The following GABRB1 variants were observed in gnomAD, a reference collection of about 807,000 sequenced individuals.
GABRB1 encodes gamma-aminobutyric acid type A receptor subunit beta1, also known as gamma-aminobutyric acid receptor subunit beta-1.
Under a neutral mutation model 51.6 loss-of-function variants are expected in GABRB1, and 17 were observed. That is an observed-to-expected ratio of 0.33 (90% confidence interval 0.23 to 0.49). The LOEUF is 0.49. GABRB1 is among the 20% of genes least tolerant of loss of function. The pLI is 0.99. For missense variants in GABRB1, 410 were observed against 600.6 expected (o/e 0.68, Z 3.32); for synonymous variants, 247 against 218.9 (o/e 1.13, Z -1.14).
In GABRB1 at chr4:47,425,823, C is replaced by T. The variant is rs1006233638; in HGVS notation, c.1230C>T (p.Ser410=). The part of the protein sequence containing the change: ...ASIQYRKPLS[S]REAYGRALDR... ...TCCAGTACCGCAAGCCCCTGAGCAG[C>T]CGCGAGGCCTACGGGCGCGCCCTGG... is the stretch of plus-strand genomic sequence containing the variant. The change falls in exon 9 of 9, where the codon AGC becomes AGT. Residue 410 remains serine, a synonymous_variant. Transcript: ENST00000295454. 2 of 1,614,012 alleles carry T rather than the reference C, an allele frequency of 1.2e-6. No homozygotes were observed. The highest frequency in any genetic ancestry group is 1.7e-6 in the Non-Finnish European group (2 of 1,180,026).
intron 4 of GABRB1, among the ~76,000 whole-genome samples, chr4:47,289,977 G>A (rs962303014): frequency 6.6e-6 from 1 of 152,170 alleles, no homozygotes; most frequent in Non-Finnish European, 1.5e-5. Context: ...TACAGGATCT[G>A]CAAAAGCAGT....
At chr4:47,384,572 G>T (rs550161565) in intron 5 of GABRB1, among the ~76,000 whole-genome samples, 16 of 152,262 alleles carry the variant, frequency 1.1e-4, no homozygotes, top group African/African-American at 3.6e-4. Flanking sequence ...CCACATTGAG[G>T]ATATAAGGTG....
At chr4:47,197,878 G>A (rs1719749494) in intron 4 of GABRB1, among the ~76,000 whole-genome samples, 1 of 152,126 alleles carries the variant, frequency 6.6e-6, no homozygotes, top group African/African-American at 2.4e-5. Flanking sequence ...GTGACAATGT[G>A]CCTGTCTATA....
chr4:47,017,908 T>C (rs1724797326), intron 1 of GABRB1, among the ~76,000 whole-genome samples: 1 of 152,226 alleles, frequency 6.6e-6, no homozygotes, highest in South Asian at 2.1e-4. Context: ...AATTCAGATT[T>C]TCAGATTTGA....
intron 3 of GABRB1, among the ~76,000 whole-genome samples, chr4:47,108,830 A>T (rs1357143734): frequency 6.6e-6 from 1 of 152,032 alleles, no homozygotes; most frequent in Admixed American, 6.6e-5. Flanking sequence ...GGACACCAAA[A>T]CAGATCATGG....
chr4:47,200,151 G>A (rs1164772898), intron 4 of GABRB1, among the ~76,000 whole-genome samples: 2 of 152,214 alleles, frequency 1.3e-5, no homozygotes, highest in Non-Finnish European at 2.9e-5. Flanking sequence ...AAGACACAAT[G>A]AGAAGCTGGT....
At chr4:47,412,384 T>C (rs926554791) in intron 8 of GABRB1, among the ~76,000 whole-genome samples, 1 of 152,184 alleles carries the variant, frequency 6.6e-6, no homozygotes, top group Non-Finnish European at 1.5e-5. Flanking sequence ...TTTATAAAAC[T>C]CGTACATATT....
At chr4:47,182,400 A>T (rs754427290) in intron 4 of GABRB1, among the ~76,000 whole-genome samples, 1 of 152,010 alleles carries the variant, frequency 6.6e-6, no homozygotes, top group Non-Finnish European at 1.5e-5. Flanking sequence ...TTATTTTTTA[A>T]TTGATGAGCA....
At chr4:47,314,583 A>G (rs559392035) in intron 4 of GABRB1, among the ~76,000 whole-genome samples, 1 of 152,086 alleles carries the variant, frequency 6.6e-6, no homozygotes, top group African/African-American at 2.4e-5. Context: ...CTTTTTCTTT[A>G]ATGGTGCCAC....
chr4:47,387,889 C>T lies in GABRB1; in HGVS notation c.545-15429C>T, dbSNP rs534762976. ...CAGCCAATTTAAAAGTCAGGAAGGG[C>T]CACAATCAGGGTCAGGAGATCTAAT... On this transcript the variant is annotated intron_variant, in intron 5 of 8. Transcript: ENST00000295454. Among the ~76,000 whole-genome samples, 3 of 152,186 alleles carry T rather than the reference C, an allele frequency of 2.0e-5. No individual in the cohort carries two copies. The East Asian group carries it at 5.8e-4, about 29-fold the overall frequency.
intron 4 of GABRB1, among the ~76,000 whole-genome samples, chr4:47,242,823 C>A (rs984667246): frequency 1.3e-5 from 2 of 152,042 alleles, no homozygotes; most frequent in Non-Finnish European, 2.9e-5. Flanking sequence ...AACTTTTCTC[C>A]CATTCTGTAG....
intron 4 of GABRB1, among the ~76,000 whole-genome samples, chr4:47,224,184 T>C (rs1720863436): frequency 6.6e-6 from 1 of 151,486 alleles, no homozygotes; most frequent in Admixed American, 6.6e-5. Context: ...TCTCAAGCTG[T>C]GTGTTCCAAC....
intron 5 of GABRB1, among the ~76,000 whole-genome samples, chr4:47,362,615 T>C (rs150639014): frequency 1.3e-4 from 20 of 152,270 alleles, no homozygotes; most frequent in African/African-American, 4.1e-4. Context: ...TTGTGGCACA[T>C]AGAAGCCCAA....
intron 3 of GABRB1, among the ~76,000 whole-genome samples, chr4:47,076,449 G>T (rs573675849): frequency 1.3e-5 from 2 of 152,028 alleles, no homozygotes; most frequent in Admixed American, 1.3e-4. Context: ...AGTTGGATTT[G>T]TTAACCAGCC....
At chr4:47,184,439 G>C (rs972724544) in intron 4 of GABRB1, among the ~76,000 whole-genome samples, 7 of 151,874 alleles carry the variant, frequency 4.6e-5, no homozygotes, top group Non-Finnish European at 7.4e-5. Flanking sequence ...GAAATGATTG[G>C]ATTCTCCCAA....
chr4:47,332,366 A>G (rs540437712), intron 5 of GABRB1, among the ~76,000 whole-genome samples: 45 of 152,328 alleles, frequency 3.0e-4, no homozygotes, highest in African/African-American at 7.7e-4. Flanking sequence ...CACTATATTC[A>G]AAGTCAATTT....
intron 4 of GABRB1, among the ~76,000 whole-genome samples, chr4:47,233,059 A>G (rs561127662): frequency 5.9e-5 from 9 of 152,026 alleles, no homozygotes; most frequent in Admixed American, 4.6e-4. Context: ...GTATTTTGGT[A>G]GAGACAGGAT....
At chr4:47,125,139 A>T (rs1251756724) in intron 3 of GABRB1, among the ~76,000 whole-genome samples, 2 of 152,194 alleles carry the variant, frequency 1.3e-5, no homozygotes, top group Non-Finnish European at 2.9e-5. Flanking sequence ...TTCTCTCAGC[A>T]GAGACCTTAC....
chr4:47,425,884 A>G lies in GABRB1; in HGVS notation c.1291A>G (p.Arg431Gly), dbSNP rs1729274648. 6.2e-7 allele frequency: 1 copy of G among 1,614,176 alleles called. No homozygotes were observed. Among genetic ancestry groups the G allele is most frequent in the Non-Finnish European group, 8.5e-7 (1 of 1,180,008 alleles). The change falls in exon 9 of 9, where the codon AGG becomes GGG. Residue 431 changes from arginine to glycine, a missense_variant. Physicochemically the swap from Arg to Gly is moderately radical, Grantham distance 125. This residue lies in a region of GABRB1 where 181 missense variants were observed against 195.6 expected (regional missense o/e 0.93). Transcript: ENST00000295454. ...HGVPSKGRIR[R>G]RASQLKVKIP... ...GGTACCCAGCAAGGGGCGCATCCGCAGGCGTGCCTCCCAGCTCAAAGTCAA... is the reference window on the plus strand; with the variant it reads ...GGTACCCAGCAAGGGGCGCATCCGCGGGCGTGCCTCCCAGCTCAAAGTCAA...
Sources: allele counts gnomAD v4.1 joint callset (sites outside exome capture counted in the v4.1 genomes callset), GRCh38; gene constraint gnomAD v4.1.1; regional missense constraint gnomAD v4.1.1; transcripts MANE v1.5; gene names NCBI Gene and HGNC (gene_info 2026-07-23, HGNC 2026-07-21).